STAB1: variants seen among roughly 807,000 people sequenced by gnomAD.
STAB1 encodes the protein stabilin-1.
Under a neutral mutation model 332.4 loss-of-function variants are expected in STAB1, and 250 were observed. The observed-to-expected ratio is 0.75, with a 90% confidence interval of 0.68 to 0.84. The LOEUF is 0.84. Ranked by LOEUF, STAB1 falls within the 40% of genes least tolerant of loss-of-function variation. STAB1 has a pLI of 0.00. For synonymous variants in STAB1, 1,475 were observed against 1,390.4 expected (o/e 1.06, Z -1.35); for missense variants, 3,249 against 3,489.7 (o/e 0.93, Z 1.74).
At chr3:52,504,961 G>C in intron 12 of STAB1, 42 bp from the exon 13 acceptor site, 1 of 1,612,596 alleles carries the variant, frequency 6.2e-7, no homozygotes, top group Non-Finnish European at 8.5e-7. Flanking sequence ...CGGACAGGGG[G>C]CTGGCATATG....
In STAB1 at chr3:52,499,060, C is replaced by T. The variant is rs532368894; in HGVS notation, c.79-2106C>T. Among the ~76,000 whole-genome samples, 6 of 152,364 alleles carry T rather than the reference C, an allele frequency of 3.9e-5. 1 individual carries two copies. Among genetic ancestry groups the T allele is most frequent in the Admixed American group, 3.9e-4 (6 of 15,306 alleles). On this transcript the variant is annotated intron_variant, in intron 1 of 68. Transcript: ENST00000321725. ...TTTTCTCTTGCTTTGAGAAGCCACA[C>T]ATCTGTAAATTATTCCAGGAAAGGG...
At chr3:52,509,774 G>T (rs1251131451) in intron 22 of STAB1, 96 bp from the exon 23 acceptor site, 9 of 1,356,984 alleles carry the variant, frequency 6.6e-6, no homozygotes, top group African/African-American at 1.4e-5. Flanking sequence ...ATCTGTACTG[G>T]CTGCCCCACT....
rs2079151227 is a variant in STAB1, at chr3:52,523,470, CCCT to C, written c.7188_7190del (p.Leu2397del). 1.2e-6 allele frequency: 2 copies of C among 1,611,108 alleles called. No individual in the cohort carries two copies. Among genetic ancestry groups the C allele is most frequent in the Non-Finnish European group, 8.5e-7 (1 of 1,178,634 alleles). ...TTGGAGCTGCATGCCTCCAACGCCA[CCCT>C]CCTAAGTGCCAACGCCAGCCAGGGG... On this transcript the variant is annotated inframe_deletion, in exon 65 of 69. Coordinates refer to ENST00000321725, the MANE Select transcript of STAB1 (RefSeq NM_015136.3).
rs773436878 is a variant in STAB1, at chr3:52,495,485, G to A, written c.72G>A (p.Arg24=). The A allele has an allele frequency of 1.5e-6, 2 of 1,340,126 alleles. No individual in the cohort carries two copies. Among genetic ancestry groups the A allele is most frequent in the Non-Finnish European group, 1.9e-6 (2 of 1,037,972 alleles). The allele number at this position is 1,340,126 out of a possible 1,614,324, so 83.0% of individuals were successfully genotyped here. A position where few individuals can be genotyped will look rare whatever the true frequency, so the allele number is the denominator to read the frequency against. The change falls in exon 1 of 69, where the codon AGG becomes AGA. Residue 24 remains arginine (R), a synonymous_variant. Coordinates refer to ENST00000321725, the MANE Select transcript of STAB1 (RefSeq NM_015136.3). The stretch of plus-strand genomic sequence containing the variant: ...GCCTGGCAGGCTTCAGCTTCGTCAG[G>A]GGGCAGGTAAGTGTGAGCCAGTCGC... The part of the protein sequence containing the change: ...AFCLAGFSFV[R]GQVLFKGCDV...
chr3:52,504,202 C>T, intron 10 of STAB1, 47 bp downstream of exon 10: 1 of 1,554,690 alleles, frequency 6.4e-7, no homozygotes. Context: ...TCACCCCCAG[C>T]ACAGTTGGCA....
chr3:52,495,508 C>T lies in STAB1; in HGVS notation c.78+17C>T, dbSNP rs369347409. The T allele has an allele frequency of 8.1e-5, 107 of 1,319,958 alleles. No individual in the cohort carries two copies. The Middle Eastern group carries it at 2.2e-3, about 27-fold the overall frequency. 81.8% of individuals were successfully genotyped at this position (1,319,958 alleles called of 1,614,324 possible). A position where few individuals can be genotyped will look rare whatever the true frequency, so the allele number is the denominator to read the frequency against. The stretch of plus-strand genomic sequence containing the variant: ...AGGGGGCAGGTAAGTGTGAGCCAGT[C>T]GCAGGGGCACACGGCGTCTGGGCCC... On this transcript the variant is annotated intron_variant, in intron 1 of 68. Transcript: ENST00000321725.
chr3:52,509,201 A>T lies in STAB1; in HGVS notation c.2236-9A>T. 6.2e-7 allele frequency: 1 copy of T among 1,612,120 alleles called. No homozygotes were observed. The highest frequency in any genetic ancestry group is 8.5e-7 in the Non-Finnish European group (1 of 1,179,104). The stretch of plus-strand genomic sequence containing the variant: ...CCATGACTGATCCTGCCTTCTGCTC[A>T]CTCTCTAGTGCAGTGATGGGATCCA... On this transcript the variant is annotated splice_polypyrimidine_tract_variant and intron_variant, in intron 21 of 68. Transcript: ENST00000321725.
rs1480544123 is a variant in STAB1, at chr3:52,524,087, C to G, written c.7543-13C>G. ...TTGAGGCGCCTCGCCACTCACCCCT[C>G]TGCTGCTCCCAGGCGGAAGATGATG... On this transcript the variant is annotated splice_polypyrimidine_tract_variant and intron_variant, in intron 67 of 68. Coordinates refer to ENST00000321725, the MANE Select transcript of STAB1 (RefSeq NM_015136.3). The G allele has an allele frequency of 3.1e-6, 5 of 1,613,322 alleles. No homozygotes were observed. Among genetic ancestry groups the G allele is most frequent in the Non-Finnish European group, 3.4e-6 (4 of 1,180,018 alleles).
Position 52,516,381 on chromosome 3 carries a change from C to T in STAB1, c.4170C>T (p.Cys1390=), listed in dbSNP as rs1331991859. Residue 1390 remains cysteine (C), a synonymous_variant, in exon 39 of 69, where the codon TGC becomes TGT. Coordinates refer to ENST00000321725, the MANE Select transcript of STAB1 (RefSeq NM_015136.3). ...TGTGTGACTGTGCCCATGGGCTGTG[C>T]CAGGAGGGGCTGCAAGGGGACGGAA... The part of the protein sequence containing the change: ...TGVCDCAHGL[C]QEGLQGDGSC... The T allele has an allele frequency of 6.2e-7, 1 of 1,609,286 alleles. No homozygotes were observed. The highest frequency in any genetic ancestry group is 2.2e-5 in the East Asian group (1 of 44,776).
chr3:52,511,773 G>A, intron 26 of STAB1, 28 bp downstream of exon 26: 1 of 1,536,714 alleles, frequency 6.5e-7, no homozygotes, highest in Admixed American at 1.9e-5. Flanking sequence ...TCAGAGCCCT[G>A]GGGAAGCTTT....
intron 66 of STAB1, 29 bp downstream of exon 66, chr3:52,523,785 C>G: frequency 6.3e-7 from 1 of 1,590,188 alleles, no homozygotes; most frequent in Admixed American, 1.7e-5. Flanking sequence ...AGGCAGAGCC[C>G]TTCCTGGCAC....
chr3:52,519,595 GA>G, intron 50 of STAB1, 31 bp downstream of exon 50: 1 of 1,587,632 alleles, frequency 6.3e-7, no homozygotes, highest in Non-Finnish European at 8.6e-7. Context: ...TGTCATTGTG[GA>G]CACACATGCA....
chr3:52,506,505 G>C (rs1050553676), intron 17 of STAB1, among the ~76,000 whole-genome samples, 187 bp from the exon 18 acceptor site: 5 of 152,242 alleles, frequency 3.3e-5, no homozygotes. Flanking sequence ...TGTGGGTAAG[G>C]ACCCGCAGCC....
intron 42 of STAB1, 93 bp from the exon 43 acceptor site, chr3:52,517,225 TGA>T: frequency 7.0e-7 from 1 of 1,438,276 alleles, no homozygotes; most frequent in Non-Finnish European, 9.2e-7. Flanking sequence ...CTGGGGGCGC[TGA>T]GAGAGGAGGG....
Position 52,522,873 on chromosome 3 carries a change from C to CGT in STAB1, c.6843_6844insGT (p.Ile2282ValfsTer2), listed in dbSNP as rs758247254. The CGT allele has an allele frequency of 1.2e-6, 2 of 1,613,314 alleles. No individual in the cohort carries two copies. The highest frequency in any genetic ancestry group is 3.3e-5 in the Admixed American group (2 of 60,026). On this transcript the variant is annotated frameshift_variant, in exon 62 of 69. Coordinates refer to ENST00000321725, the MANE Select transcript of STAB1 (RefSeq NM_015136.3). LOFTEE classifies it high-confidence loss of function. The stretch of plus-strand genomic sequence containing the variant: ...CGGACTGTGGCAATGGTCGGGTGGG[C>CGT]ATAGTCAGCCTGGGTGCCCGCAAGA...
chr3:52,506,361 GC>G, intron 17 of STAB1, 111 bp downstream of exon 17: 1 of 982,674 alleles, frequency 1.0e-6, no homozygotes, highest in Non-Finnish European at 1.6e-6. Flanking sequence ...ACACTGCTAG[GC>G]CATGGCGGGC....
At chr3:52,516,502 C>T (rs2078869619) in intron 39 of STAB1, 40 bp from the exon 40 acceptor site, 1 of 1,613,324 alleles carries the variant, frequency 6.2e-7, no homozygotes, top group South Asian at 1.1e-5. Context: ...GGAGGCTGTT[C>T]CTGGGTCTGA....
Position 52,509,277 on chromosome 3 carries a change from A to G in STAB1, c.2303A>G (p.His768Arg), listed in dbSNP as rs748093290. The change falls in exon 22 of 69, where the codon CAC becomes CGC. Residue 768 changes from histidine to arginine, a missense_variant. By Grantham distance (29) the His-to-Arg change is conservative (BLOSUM62 0). Coordinates refer to ENST00000321725, the MANE Select transcript of STAB1 (RefSeq NM_015136.3). The stretch of plus-strand genomic sequence containing the variant: ...CCAGACTACAAGGGCATCGCCTGCC[A>G]CATCTGCTCGAACCCAAACAAGCAT... Reference protein sequence around the residue: ...CFPDYKGIACHICSNPNKHGE... With the variant: ...CFPDYKGIACRICSNPNKHGE... 1 of 1,613,688 alleles carries G rather than the reference A, an allele frequency of 6.2e-7. No homozygotes were observed. Among genetic ancestry groups the G allele is most frequent in the Non-Finnish European group, 8.5e-7 (1 of 1,179,988 alleles).
Position 52,514,120 on chromosome 3 carries a change from T to G in STAB1, c.3453T>G (p.His1151Gln), listed in dbSNP as rs74491782. 1.2e-6 allele frequency: 2 copies of G among 1,613,212 alleles called. No individual in the cohort carries two copies. The highest frequency in any genetic ancestry group is 1.1e-5 in the South Asian group (1 of 91,084). Reference sequence around the variant, plus strand: ...GACCTCCACCCCATCCCTAGCACCATGGGTTGGTGCCCCAGATTGAGGCTG... The same window carrying G: ...GACCTCCACCCCATCCCTAGCACCAGGGGTTGGTGCCCCAGATTGAGGCTG... ...FSLFRELLQH[H>Q]GLVPQIEAAT... is the part of the protein sequence containing the mutation. Residue 1151 changes from histidine (H) to glutamine (Q), a missense_variant, in exon 33 of 69, where the codon CAT becomes CAG. Coordinates refer to ENST00000321725, the MANE Select transcript of STAB1 (RefSeq NM_015136.3).
Sources: gnomAD v4.1 joint callset for allele counts (sites outside exome capture counted in the v4.1 genomes callset) on GRCh38, gnomAD v4.1.1 for gene constraint, MANE v1.5 for transcripts, NCBI Gene and HGNC (gene_info 2026-07-23, HGNC 2026-07-21) for gene names.